KIAA1549: variants seen among roughly 807,000 people sequenced by gnomAD.
KIAA1549 encodes the protein KIAA1549.
KIAA1549 carries 70 observed loss-of-function variants against 156.4 expected under a neutral mutation model. That is an observed-to-expected ratio of 0.45 (90% CI 0.37 to 0.55). The LOEUF is 0.55. KIAA1549 is among the 20% of genes least tolerant of loss of function. The pLI is 0.00. For synonymous variants in KIAA1549, 1,103 were observed against 1,066.4 expected, an observed-to-expected ratio of 1.03 and a Z score of -0.67; for missense variants, 2,428 against 2,540.9, an observed-to-expected ratio of 0.96 and a Z score of 0.96.
intron 16 of KIAA1549, among the ~76,000 whole-genome samples, chr7:138,853,538 A>G (rs1810293406): frequency 6.6e-6 from 1 of 152,168 alleles, no homozygotes; most frequent in African/African-American, 2.4e-5. Flanking sequence ...CTGGCTTAAC[A>G]TCCCTGGGCC....
chr7:138,898,883 T>C (rs1811762501), intron 9 of KIAA1549, 72 bp downstream of exon 9: 1 of 1,334,212 alleles, frequency 7.5e-7, no homozygotes, highest in Non-Finnish European at 1.1e-6. Flanking sequence ...CATTCAGAGC[T>C]CACTGTCAGA....
chr7:138,866,224 G>C (rs746296707), intron 15 of KIAA1549, among the ~76,000 whole-genome samples: 1 of 152,194 alleles, frequency 6.6e-6, no homozygotes, highest in South Asian at 2.1e-4. Flanking sequence ...CAAGAAGGTC[G>C]GTCTTTAAGA....
intron 11 of KIAA1549, 46 bp from the exon 12 acceptor site, chr7:138,879,699 G>A (rs1256410062): frequency 4.0e-6 from 5 of 1,265,802 alleles, no homozygotes; most frequent in Admixed American, 4.8e-5. Context: ...AAGAAAGAAT[G>A]AAAAGGAAAA....
At chr7:138,965,307 TA>T (rs1813986710) in intron 1 of KIAA1549, among the ~76,000 whole-genome samples, 1 of 152,132 alleles carries the variant, frequency 6.6e-6, no homozygotes, top group South Asian at 2.1e-4. Context: ...AAAAAGCCAA[TA>T]AAGATACTGT....
chr7:138,834,518 CG>C lies in KIAA1549; in HGVS notation c.*3387del, dbSNP rs1809646006. The C allele has an allele frequency of 4.4e-6, 1 of 226,506 alleles. No homozygotes were observed. Among genetic ancestry groups the C allele is most frequent in the African/African-American group, 2.2e-5 (1 of 44,972 alleles). 14.0% of individuals were successfully genotyped at this position (226,506 alleles called of 1,614,324 possible). A position where few individuals can be genotyped will look rare whatever the true frequency, so the allele number is the denominator to read the frequency against. On this transcript the variant is annotated 3_prime_UTR_variant, in exon 20 of 20. Transcript: ENST00000422774. The stretch of plus-strand genomic sequence containing the variant: ...GTATCTTCCATCTTCTATACCCACT[CG>C]TGCTATCTTAGATTCTAAAATCTCA...
intron 9 of KIAA1549, among the ~76,000 whole-genome samples, chr7:138,897,768 C>T (rs182531431): frequency 3.2e-4 from 49 of 151,830 alleles, no homozygotes; most frequent in Non-Finnish European, 6.2e-4. Flanking sequence ...GTGGTGGTGA[C>T]TGTGGTCCTA....
At chr7:138,871,806 C>T (rs1370734477) in intron 12 of KIAA1549, among the ~76,000 whole-genome samples, 1 of 152,144 alleles carries the variant, frequency 6.6e-6, no homozygotes, top group Non-Finnish European at 1.5e-5. Flanking sequence ...AATTCAGCTG[C>T]CAAGGCAATG....
intron 1 of KIAA1549, among the ~76,000 whole-genome samples, chr7:138,925,550 T>C (rs1812687628): frequency 6.6e-6 from 1 of 152,144 alleles, no homozygotes. Context: ...CAGGTGCTAG[T>C]GGCTCACCGC....
rs561680681 is a variant in KIAA1549 at position 138,874,212 on chromosome 7, T to C, written c.4346-2850A>G. On this transcript the variant is annotated intron_variant, in intron 12 of 19. Transcript: ENST00000422774. ...TGGACACACAGAGATTAATGCTGTG[T>C]GAATCCTGCCTTAAGGCTAGTAGGA... 2.6e-5 allele frequency among the ~76,000 whole-genome samples: 4 copies of C among 151,820 alleles called. No homozygotes were observed. The East Asian group carries it at 7.7e-4, about 29-fold the overall frequency.
intron 1 of KIAA1549, among the ~76,000 whole-genome samples, chr7:138,953,457 T>C (rs1004132746): frequency 6.6e-6 from 1 of 152,044 alleles, no homozygotes; most frequent in Non-Finnish European, 1.5e-5. Flanking sequence ...AAATAAGCAA[T>C]TATAAAAAGA....
At chr7:138,859,968 A>G (rs1456778992) in intron 16 of KIAA1549, among the ~76,000 whole-genome samples, 4 of 152,236 alleles carry the variant, frequency 2.6e-5, no homozygotes, top group African/African-American at 7.2e-5. Context: ...TCCATCCTGT[A>G]CTGTGCACTA....
rs1055967548 is a variant in KIAA1549, at chr7:138,834,555, C to T, written c.*3351G>A. On this transcript the variant is annotated 3_prime_UTR_variant, in exon 20 of 20. Transcript: ENST00000422774. ...GATTCTAAAATCTCAGAAGGCAAGG[C>T]TCATGTCTGCTGGGTTATTTGGTGC... 7 of 230,362 alleles carry T rather than the reference C, an allele frequency of 3.0e-5. No individual in the cohort carries two copies. Among genetic ancestry groups the T allele is most frequent in the African/African-American group, 1.1e-4 (5 of 45,192 alleles). The allele number at this position is 230,362 out of a possible 1,614,324, so 14.3% of individuals were successfully genotyped here.
rs757601378 is a variant in KIAA1549 at position 138,916,805 on chromosome 7, C to T, written c.2821G>A (p.Ala941Thr). 1 of 1,613,838 alleles carries T rather than the reference C, an allele frequency of 6.2e-7. No individual in the cohort carries two copies. The highest frequency in any genetic ancestry group is 8.5e-7 in the Non-Finnish European group (1 of 1,179,860). The change falls in exon 2 of 20, where the codon GCC (alanine) becomes ACC (threonine). Residue 941 changes from alanine (A) to threonine (T), a missense_variant. This residue lies in a region of KIAA1549 where 762 missense variants were observed against 901.6 expected (regional missense o/e 0.85). Transcript: ENST00000422774. ...ATVDTPTLAT[A>T]KPPYVCDITV... Reference sequence around the variant, plus strand: ...ATATCACAAACATATGGCGGCTTGGCAGTAGCCAGTGTTGGTGTGTCGACT... The same window carrying T: ...ATATCACAAACATATGGCGGCTTGGTAGTAGCCAGTGTTGGTGTGTCGACT...
intron 18 of KIAA1549, 80 bp from the exon 19 acceptor site, chr7:138,840,358 C>T: frequency 7.8e-7 from 1 of 1,280,654 alleles, no homozygotes; most frequent in East Asian, 2.5e-5. Flanking sequence ...GAGGAAGACA[C>T]TGTCAACTCT....
At chr7:138,914,313 A>G (rs1167608246) in intron 2 of KIAA1549, among the ~76,000 whole-genome samples, 1 of 152,212 alleles carries the variant, frequency 6.6e-6, no homozygotes, top group African/African-American at 2.4e-5. Context: ...TCATCAGCAA[A>G]CAAATATCTT....
chr7:138,886,971 G>A (rs1010307800), intron 10 of KIAA1549, among the ~76,000 whole-genome samples: 1 of 151,498 alleles, frequency 6.6e-6, no homozygotes, highest in Non-Finnish European at 1.5e-5. Flanking sequence ...GTATGATGTC[G>A]GCTTACTGCA....
chr7:138,911,840 C>T (rs1452042956), intron 3 of KIAA1549, among the ~76,000 whole-genome samples: 1 of 152,172 alleles, frequency 6.6e-6, no homozygotes, highest in Non-Finnish European at 1.5e-5. Context: ...ACCCACAGCC[C>T]ATCTCCGTTT....
At position 138,840,114 on chromosome 7, in the gene KIAA1549, C is replaced by T; in HGVS notation, c.5598+19G>A. The T allele has an allele frequency of 1.3e-6, 2 of 1,544,810 alleles. No individual in the cohort carries two copies. Among genetic ancestry groups the T allele is most frequent in the Non-Finnish European group, 1.8e-6 (2 of 1,142,746 alleles). On this transcript the variant is annotated intron_variant, in intron 19 of 19. Transcript: ENST00000422774. ...CTATGTCTAAATTTTAAATGATGAC[C>T]CAAACAGGAGATACTCACGGCCTCT...
rs530846091 is a variant in KIAA1549, at chr7:138,965,471, G to A, written c.187+15612C>T. 2.6e-5 allele frequency among the ~76,000 whole-genome samples: 4 copies of A among 152,260 alleles called. No homozygotes were observed. The South Asian group carries it at 6.2e-4, about 24-fold the overall frequency. ...CTTCCACAGCGCTGAGATTACAGGC[G>A]TGAGCCACCACGCCCGGCAACGTTT... On this transcript the variant is annotated intron_variant, in intron 1 of 19. Transcript: ENST00000422774.
Sources: gnomAD v4.1 joint callset for allele counts (sites outside exome capture counted in the v4.1 genomes callset) on GRCh38, gnomAD v4.1.1 for gene constraint, gnomAD v4.1.1 regional missense constraint, MANE v1.5 for transcripts, NCBI Gene and HGNC (gene_info 2026-07-23, HGNC 2026-07-21) for gene names.